Variants in TRIM2 observed in about 807,000 individuals in gnomAD.
The protein encoded by TRIM2 is tripartite motif-containing protein 2.
TRIM2 carries 20 observed loss-of-function variants against 75.2 expected under a neutral mutation model. That is an observed-to-expected ratio of 0.27 (90% CI 0.19 to 0.39). The LOEUF is 0.39. Among genes scored for constraint, TRIM2 ranks in the 10% least tolerant of loss-of-function variants. The probability of loss-of-function intolerance (pLI) is 1.00; values close to 1 mark genes in which losing one functional copy is unlikely to be tolerated. For missense variants in TRIM2, 660 were observed against 990.8 expected, an observed-to-expected ratio of 0.67 and a Z score of 4.48; for synonymous variants, 373 against 388.3, an observed-to-expected ratio of 0.96 and a Z score of 0.46.
chr4:153,254,802 G>A (rs1384765747), intron 1 of TRIM2, among the ~76,000 whole-genome samples: 3 of 152,216 alleles, frequency 2.0e-5, no homozygotes, highest in Admixed American at 1.3e-4. Context: ...TAGTAGTTAA[G>A]CCATTGTGGT....
intron 1 of TRIM2, among the ~76,000 whole-genome samples, chr4:153,249,061 T>A (rs974587002): frequency 6.6e-6 from 1 of 152,220 alleles, no homozygotes; most frequent in Non-Finnish European, 1.5e-5. Context: ...TCCCCAGGGC[T>A]CCCAGCTTTT....
intron 1 of TRIM2, among the ~76,000 whole-genome samples, chr4:153,219,071 A>T (rs1739269268): frequency 5.9e-5 from 9 of 152,118 alleles, no homozygotes; most frequent in Admixed American, 5.2e-4. Context: ...CCAACTCCTT[A>T]CTATAGGAAA....
intron 10 of TRIM2, 67 bp from the exon 11 acceptor site, chr4:153,328,463 T>G (rs1770726376): frequency 1.0e-5 from 14 of 1,400,738 alleles, no homozygotes; most frequent in Middle Eastern, 1.9e-4. Flanking sequence ...TAGATATTTT[T>G]TTAATCCATC....
Position 153,339,249 on chromosome 4 carries a change from C to G in TRIM2, c.*4283C>G, listed in dbSNP as rs1772827249. ...ATTCTGTCTTGAAACATAGGAGAAA[C>G]AGGATTCATGTGTATCTCTTTACCA... is the stretch of plus-strand genomic sequence containing the variant. On this transcript the variant is annotated 3_prime_UTR_variant, in exon 12 of 12. Coordinates refer to ENST00000338700, the MANE Select transcript of TRIM2 (RefSeq NM_015271.5). 1.1e-6 allele frequency: 1 copy of G among 951,522 alleles called. No individual in the cohort carries two copies. The highest frequency in any genetic ancestry group is 1.3e-6 in the Non-Finnish European group (1 of 798,850). The allele number at this position is 951,522 out of a possible 1,614,324, so 58.9% of individuals were successfully genotyped here.
intron 11 of TRIM2, among the ~76,000 whole-genome samples, chr4:153,331,424 A>G (rs1040676539): frequency 1.3e-5 from 2 of 152,224 alleles, no homozygotes; most frequent in Non-Finnish European, 2.9e-5. Context: ...GAAAAAATAT[A>G]TACTTAGATA....
chr4:153,167,001 G>C (rs1406004329), intron 1 of TRIM2, among the ~76,000 whole-genome samples: 7 of 152,192 alleles, frequency 4.6e-5, no homozygotes, highest in Non-Finnish European at 1.5e-5. Flanking sequence ...AGGGCTGTCA[G>C]GGTGTGTGTG....
intron 9 of TRIM2, 22 bp downstream of exon 9, chr4:153,322,838 A>C: frequency 3.7e-6 from 6 of 1,613,474 alleles, no homozygotes; most frequent in Non-Finnish European, 5.1e-6. Flanking sequence ...GGTAATATGT[A>C]AACCCCCTTT....
Position 153,328,532 on chromosome 4 carries a change from G to T in TRIM2, c.2025G>T (p.Val675=). 6.2e-7 allele frequency: 1 copy of T among 1,604,158 alleles called. No homozygotes were observed. Among genetic ancestry groups the T allele is most frequent in the Non-Finnish European group, 8.5e-7 (1 of 1,176,324 alleles). The part of the protein sequence containing the change: ...ITDFHNHSVK[V]FNQEGEFMLK... ...TAATTTAAAAATATTTCATACAGGT[G>T]TTTAATCAGGAAGGAGAATTCATGT... The change falls in exon 11 of 12, where the codon GTG becomes GTT. Residue 675 remains valine, a splice_region_variant and synonymous_variant. Coordinates refer to ENST00000338700, the MANE Select transcript of TRIM2 (RefSeq NM_015271.5).
At position 153,221,428 on chromosome 4, in the gene TRIM2, AAAAC is replaced by A. The variant is rs200465588; in HGVS notation, c.30+16880_30+16883del. On this transcript the variant is annotated intron_variant, in intron 1 of 11. Coordinates refer to ENST00000338700, the MANE Select transcript of TRIM2 (RefSeq NM_015271.5). ...GGACAACAGAACGAGACCCTGTCTC[AAAAC>A]AAACAAACAAAAAAACCAAACAAAT... Among the ~76,000 whole-genome samples, 17 of 152,126 alleles carry A rather than the reference AAAAC, an allele frequency of 1.1e-4. No homozygotes were observed. The East Asian group carries it at 3.1e-3, about 28-fold the overall frequency.
At chr4:153,218,864 C>T (rs1376790325) in intron 1 of TRIM2, among the ~76,000 whole-genome samples, 1 of 152,122 alleles carries the variant, frequency 6.6e-6, no homozygotes, top group Non-Finnish European at 1.5e-5. Context: ...GAAGCCTTTT[C>T]TACTACTCAA....
chr4:153,252,885 T>G (rs1462741981), intron 1 of TRIM2, among the ~76,000 whole-genome samples: 1 of 152,232 alleles, frequency 6.6e-6, no homozygotes, highest in East Asian at 1.9e-4. Flanking sequence ...TCCAACTAAT[T>G]CTGAGATGAA....
Position 153,322,669 on chromosome 4 carries a change from C to T in TRIM2, c.1804C>T (p.Leu602=). The T allele has an allele frequency of 6.2e-7, 1 of 1,613,842 alleles. No individual in the cohort carries two copies. The highest frequency in any genetic ancestry group is 8.5e-7 in the Non-Finnish European group (1 of 1,179,794). Residue 602 remains leucine, a synonymous_variant, in exon 9 of 12, where the codon CTG becomes TTG. Transcript: ENST00000338700. ...KFKTKIGSGK[L]MGPKGVSVDR... is the part of the protein sequence containing the mutation. Reference sequence around the variant, plus strand: ...ACAGACAAAAATTGGATCAGGAAAGCTGATGGGACCCAAAGGAGTTTCTGT... The same window carrying T: ...ACAGACAAAAATTGGATCAGGAAAGTTGATGGGACCCAAAGGAGTTTCTGT...
chr4:153,183,307 A>G (rs4543093), intron 1 of TRIM2, among the ~76,000 whole-genome samples: 35,828 of 152,138 alleles, frequency 0.24, 4,814 homozygotes, highest in African/African-American at 0.36. Context: ...CACATTCCCC[A>G]TGATAAAGCC....
rs891133657 is a variant in TRIM2, at chr4:153,293,143, C to A, written c.605+10C>A. ...ATGCTGTCAACAAAAGGTGGGGGAC[C>A]CCTCCCCAAACCCCCAACTGGCTGC... On this transcript the variant is annotated intron_variant, in intron 4 of 11. Transcript: ENST00000338700. 2.1e-5 allele frequency: 33 copies of A among 1,597,002 alleles called. No individual in the cohort carries two copies. Among genetic ancestry groups the A allele is most frequent in the African/African-American group, 2.7e-5 (2 of 74,636 alleles).
intron 6 of TRIM2, among the ~76,000 whole-genome samples, chr4:153,303,378 C>G (rs1764334348): frequency 6.6e-6 from 1 of 150,792 alleles, no homozygotes; most frequent in South Asian, 2.1e-4. Context: ...GAGGCTGAGG[C>G]AGGAGAATCG....
intron 1 of TRIM2, chr4:153,156,783 C>T (rs909813673): frequency 6.6e-6 from 1 of 152,250 alleles, no homozygotes; most frequent in African/African-American, 2.4e-5. Flanking sequence ...ATCGACACCT[C>T]TCTGCATAGA....
In TRIM2 at chr4:153,210,953, A is replaced by G. The variant is rs1736821438; in HGVS notation, c.30+6393A>G. ...CACTCAACACATGCAGTAAACCCAGACATGCAGGGCACCATTGTCTGAGCT... is the reference window on the plus strand; with the variant it reads ...CACTCAACACATGCAGTAAACCCAGGCATGCAGGGCACCATTGTCTGAGCT... On this transcript the variant is annotated intron_variant, in intron 1 of 11. Coordinates refer to ENST00000338700, the MANE Select transcript of TRIM2 (RefSeq NM_015271.5). Among the ~76,000 whole-genome samples the G allele has an allele frequency of 1.3e-5, 2 of 152,154 alleles. 1 individual carries two copies. Among genetic ancestry groups the G allele is most frequent in the South Asian group, 4.1e-4 (2 of 4,820 alleles).
At chr4:153,212,416 G>A (rs1737298251) in intron 1 of TRIM2, among the ~76,000 whole-genome samples, 3 of 152,200 alleles carry the variant, frequency 2.0e-5, no homozygotes, top group Admixed American at 2.0e-4. Flanking sequence ...GATAAAGGAT[G>A]AAATATTGCC....
At chr4:153,254,744 G>T (rs72727890) in intron 1 of TRIM2, among the ~76,000 whole-genome samples, 12,935 of 152,236 alleles carry the variant, frequency 0.085, 720 homozygotes, top group Middle Eastern at 0.13. Context: ...AATATTATGT[G>T]TGTTTGTTAG....
Sources: allele counts gnomAD v4.1 joint callset (sites outside exome capture counted in the v4.1 genomes callset), GRCh38; gene constraint gnomAD v4.1.1; transcripts MANE v1.5; gene names NCBI Gene and HGNC (gene_info 2026-07-23, HGNC 2026-07-21).